The following CHLSN variants were observed in gnomAD, a reference collection of about 807,000 sequenced individuals.
The protein encoded by CHLSN is cholesin.
the CHLSN span, chr7:1,092,247 C>A: frequency 1.9e-6 from 3 of 1,612,362 alleles, no homozygotes; most frequent in Non-Finnish European, 1.7e-6. Flanking sequence ...CCAAGCACCA[C>A]GCCCGGCTGA....
the CHLSN span, among the ~76,000 whole-genome samples, chr7:1,121,648 T>C: frequency 6.6e-6 from 1 of 152,282 alleles, no homozygotes; most frequent in Non-Finnish European, 1.5e-5. Context: ...GCGTTCTGGC[T>C]GTGCGAGGCG....
At chr7:1,092,678 G>T in the CHLSN span, 1 of 1,613,338 alleles carries the variant, frequency 6.2e-7, no homozygotes, top group Admixed American at 1.7e-5. Flanking sequence ...TTCTCCAACA[G>T]CTGCCTAAAC....
the CHLSN span, among the ~76,000 whole-genome samples, chr7:1,120,820 C>T: frequency 0.014 from 2,085 of 145,616 alleles, 91 homozygotes; most frequent in East Asian, 0.17. Flanking sequence ...GGACACGGGG[C>T]GTAGTGTGGC....
the CHLSN span, among the ~76,000 whole-genome samples, chr7:990,652 G>A: frequency 1.3e-5 from 2 of 152,128 alleles, no homozygotes; most frequent in Admixed American, 6.5e-5. Context: ...CTGCAAGGAC[G>A]AGAAGGGGAC....
the CHLSN span, among the ~76,000 whole-genome samples, chr7:1,084,062 G>A: frequency 6.6e-6 from 1 of 152,252 alleles, no homozygotes; most frequent in African/African-American, 2.4e-5. Context: ...GAGGTCACAG[G>A]ATGTCCCTAA....
chr7:1,073,488 A>T, the CHLSN span, among the ~76,000 whole-genome samples: 1 of 152,070 alleles, frequency 6.6e-6, no homozygotes, highest in Admixed American at 6.5e-5. Flanking sequence ...CTGCTCCTCA[A>T]CATCGTAGAG....
At chr7:1,012,161 T>A in the CHLSN span, among the ~76,000 whole-genome samples, 405 of 152,332 alleles carry the variant, frequency 2.7e-3, 2 homozygotes, top group African/African-American at 8.9e-3. Context: ...AGTCCACGGC[T>A]GATCACACGG....
chr7:1,058,581 G>T, the CHLSN span: 1 of 689,614 alleles, frequency 1.5e-6, no homozygotes, highest in Non-Finnish European at 2.7e-6. Context: ...TACCCTGGAC[G>T]CTCCCCACAT....
At chr7:1,057,032 A>C in the CHLSN span, among the ~76,000 whole-genome samples, 9 of 151,822 alleles carry the variant, frequency 5.9e-5, no homozygotes, top group African/African-American at 2.2e-4. Flanking sequence ...ACTCCAAGGC[A>C]CCGGGTCCTG....
the CHLSN span, among the ~76,000 whole-genome samples, chr7:1,000,098 C>T: frequency 4.2e-3 from 636 of 152,374 alleles, 4 homozygotes; most frequent in African/African-American, 0.015. Context: ...CCCTGAAGGC[C>T]GGCGGCAGGG....
the CHLSN span, chr7:1,026,542 G>C: frequency 6.6e-6 from 1 of 152,256 alleles, no homozygotes; most frequent in South Asian, 2.1e-4. Context: ...GGCAGGAGCA[G>C]CCGCTAAGCA....
the CHLSN span, among the ~76,000 whole-genome samples, chr7:1,045,074 T>A: frequency 6.6e-6 from 1 of 152,396 alleles, no homozygotes; most frequent in East Asian, 1.9e-4. Context: ...AGGTGTCGGA[T>A]CTGCTGTCAG....
chr7:998,741 C>G, the CHLSN span, among the ~76,000 whole-genome samples: 1 of 152,138 alleles, frequency 6.6e-6, no homozygotes, highest in Non-Finnish European at 1.5e-5. Flanking sequence ...CCACCACGCC[C>G]GGCTACACAG....
the CHLSN span, chr7:1,029,021 A>T: frequency 6.4e-6 from 1 of 155,804 alleles, no homozygotes; most frequent in Non-Finnish European, 1.4e-5. Flanking sequence ...CGGCTGGCTG[A>T]ATACGTGGAT....
At chr7:1,120,186 T>C in the CHLSN span, among the ~76,000 whole-genome samples, 3 of 152,192 alleles carry the variant, frequency 2.0e-5, no homozygotes, top group Non-Finnish European at 2.9e-5. Flanking sequence ...TAAAACCACA[T>C]ACTCAGTATG....
At chr7:1,007,054 C>T in the CHLSN span, among the ~76,000 whole-genome samples, 2 of 152,176 alleles carry the variant, frequency 1.3e-5, no homozygotes, top group Non-Finnish European at 2.9e-5. Flanking sequence ...GGCGCTGGGT[C>T]GACGTGTCTT....
the CHLSN span, chr7:997,018 G>A: frequency 2.6e-5 from 4 of 152,450 alleles, no homozygotes; most frequent in East Asian, 7.7e-4. Context: ...CTGCTGGGTC[G>A]GGTTTTATTT....
At chr7:1,082,803 G>C in the CHLSN span, among the ~76,000 whole-genome samples, 1 of 152,226 alleles carries the variant, frequency 6.6e-6, no homozygotes, top group Non-Finnish European at 1.5e-5. Context: ...CCAAGGGGAA[G>C]ATCCAGCGCC....
chr7:1,090,303 G>A, the CHLSN span, among the ~76,000 whole-genome samples: 1 of 152,234 alleles, frequency 6.6e-6, no homozygotes, highest in Non-Finnish European at 1.5e-5. Context: ...CGCATCCCCA[G>A]AGACTGCCAG....
Sources: allele counts gnomAD v4.1 joint callset (sites outside exome capture counted in the v4.1 genomes callset), GRCh38; gene constraint gnomAD v4.1.1; transcripts MANE v1.5; gene names NCBI Gene and HGNC (gene_info 2026-07-23, HGNC 2026-07-21).